PSD3: variants seen among roughly 807,000 people sequenced by gnomAD.
PSD3 encodes the protein PH and SEC7 domain-containing protein 3.
Under a neutral mutation model 105.5 loss-of-function variants are expected in PSD3, and 49 were observed. The ratio of observed to expected loss-of-function variants is 0.46; its 90% CI spans 0.37 to 0.59. PSD3 has a LOEUF of 0.59. Ranked by LOEUF, PSD3 falls within the 20% of genes least tolerant of loss-of-function variation. The pLI is 0.00. For synonymous variants in PSD3, 557 were observed against 457.8 expected, an observed-to-expected ratio of 1.22 and a Z score of -2.77; for missense variants, 1,561 against 1,263.8, an observed-to-expected ratio of 1.24 and a Z score of -3.57.
intron 15 of PSD3, among the ~76,000 whole-genome samples, chr8:18,550,046 T>C (rs1025337383): frequency 6.6e-6 from 1 of 152,218 alleles, no homozygotes; most frequent in Non-Finnish European, 1.5e-5. Flanking sequence ...TTTATGATTT[T>C]TGTCTCTCAG....
intron 11 of PSD3, among the ~76,000 whole-genome samples, chr8:18,604,113 G>A (rs1458536677): frequency 2.0e-5 from 3 of 150,386 alleles, no homozygotes; most frequent in Admixed American, 1.3e-4. Context: ...GGAAGAGGGT[G>A]GAGGGCTCAG....
At chr8:18,916,297 G>GATATATAT (rs71218908) in intron 2 of PSD3, among the ~76,000 whole-genome samples, 5 of 31,282 alleles carry the variant, frequency 1.6e-4, no homozygotes, top group African/African-American at 2.2e-4. Context: ...TAAAAAAAGT[G>GATATATAT]ATATATATAT....
At chr8:18,690,678 C>G (rs1003035101) in intron 9 of PSD3, among the ~76,000 whole-genome samples, 3 of 152,188 alleles carry the variant, frequency 2.0e-5, no homozygotes, top group Admixed American at 1.3e-4. Context: ...GATGGACACA[C>G]CACCGCTTTC....
chr8:18,718,338 C>G (rs931980160), intron 9 of PSD3, among the ~76,000 whole-genome samples: 2 of 152,124 alleles, frequency 1.3e-5, no homozygotes, highest in Non-Finnish European at 2.9e-5. Context: ...TTTACTTTTC[C>G]CCATAGGGAA....
chr8:19,024,204 TC>T (rs1164921442), intron 1 of PSD3, among the ~76,000 whole-genome samples: 4 of 152,226 alleles, frequency 2.6e-5, no homozygotes, highest in Non-Finnish European at 4.4e-5. Context: ...TAGAAAACAT[TC>T]CTTTGCTGAA....
chr8:18,602,909 G>A (rs1804539309), intron 11 of PSD3, among the ~76,000 whole-genome samples: 1 of 152,178 alleles, frequency 6.6e-6, no homozygotes, highest in African/African-American at 2.4e-5. Flanking sequence ...GAGTTAAAGT[G>A]ATTTCACAGC....
intron 12 of PSD3, 51 bp downstream of exon 12, chr8:18,600,313 A>G (rs556336098): frequency 8.2e-6 from 12 of 1,470,588 alleles, no homozygotes; most frequent in South Asian, 5.8e-5. Flanking sequence ...ACTGGACCTC[A>G]TGTAATTATT....
intron 9 of PSD3, among the ~76,000 whole-genome samples, chr8:18,705,201 TAAC>T (rs1314314626): frequency 1.1e-4 from 17 of 152,020 alleles, no homozygotes; most frequent in African/African-American, 3.9e-4. Flanking sequence ...TTGTTGAAAA[TAAC>T]AAAAAATGAA....
intron 4 of PSD3, among the ~76,000 whole-genome samples, chr8:18,819,686 C>T (rs1397750313): frequency 3.5e-5 from 5 of 143,500 alleles, no homozygotes; most frequent in East Asian, 4.6e-4. Context: ...TCATGTGATT[C>T]GCCCACCTCA....
At chr8:18,747,429 T>C (rs1184392195) in intron 9 of PSD3, among the ~76,000 whole-genome samples, 2 of 152,142 alleles carry the variant, frequency 1.3e-5, no homozygotes, top group African/African-American at 4.8e-5. Context: ...ACATAATAGA[T>C]GGGCAAAGTA....
intron 8 of PSD3, among the ~76,000 whole-genome samples, chr8:18,789,887 A>G (rs745897389): frequency 1.1e-4 from 17 of 152,222 alleles, no homozygotes; most frequent in South Asian, 2.1e-4. Context: ...ATCACGTTCT[A>G]TAACAGAACT....
chr8:18,624,754 A>G (rs532167594), intron 11 of PSD3, among the ~76,000 whole-genome samples: 1 of 151,970 alleles, frequency 6.6e-6, no homozygotes, highest in South Asian at 2.1e-4. Flanking sequence ...ATGGATCCTA[A>G]TCCTTTATTG....
chr8:19,065,094 G>A (rs1829032667), intron 1 of PSD3, among the ~76,000 whole-genome samples: 2 of 152,176 alleles, frequency 1.3e-5, no homozygotes, highest in South Asian at 4.1e-4. Context: ...GCATAAGGAA[G>A]TCCCCTCTGT....
chr8:18,844,945 T>A (rs373526142), intron 4 of PSD3, among the ~76,000 whole-genome samples: 22 of 152,238 alleles, frequency 1.4e-4, no homozygotes, highest in African/African-American at 5.1e-4. Flanking sequence ...TCCAAATTGG[T>A]GGGAAAGGCT....
chr8:18,571,398 C>G (rs903079448), intron 14 of PSD3, among the ~76,000 whole-genome samples: 3 of 152,142 alleles, frequency 2.0e-5, no homozygotes, highest in Non-Finnish European at 4.4e-5. Context: ...CGTCCCACAC[C>G]TCACCTAACT....
At chr8:18,727,351 A>G (rs992877345) in intron 9 of PSD3, among the ~76,000 whole-genome samples, 2 of 150,012 alleles carry the variant, frequency 1.3e-5, no homozygotes, top group African/African-American at 4.9e-5. Context: ...AAAAAAAAAA[A>G]AAAAAAAATG....
chr8:18,651,736 A>G (rs1808495506), intron 10 of PSD3, among the ~76,000 whole-genome samples: 1 of 152,170 alleles, frequency 6.6e-6, no homozygotes, highest in Admixed American at 6.5e-5. Context: ...ATCAGAAAAA[A>G]CTTCAAGAAA....
At chr8:18,707,698 A>G (rs1223581170) in intron 9 of PSD3, among the ~76,000 whole-genome samples, 1 of 152,180 alleles carries the variant, frequency 6.6e-6, no homozygotes. Flanking sequence ...CCTCCTGCCA[A>G]TTTTAGCTCA....
upstream of PSD3, among the ~76,000 whole-genome samples, chr8:19,015,684 C>T (rs369663162): frequency 5.3e-5 from 8 of 152,192 alleles, no homozygotes; most frequent in South Asian, 4.1e-4. Flanking sequence ...GGGACTTGGG[C>T]ATAGACATCT....
Sources: gnomAD v4.1 joint callset for allele counts (sites outside exome capture counted in the v4.1 genomes callset) on GRCh38, gnomAD v4.1.1 for gene constraint, MANE v1.5 for transcripts, NCBI Gene and HGNC (gene_info 2026-07-23, HGNC 2026-07-21) for gene names.